NRXN3: variants seen among roughly 807,000 people sequenced by gnomAD.
NRXN3 encodes the protein neurexin III.
In NRXN3, 32 loss-of-function variants were observed where a neutral mutation model predicts 137.6. That is an observed-to-expected ratio of 0.23 (90% CI 0.18 to 0.31). The LOEUF (loss-of-function observed/expected upper bound fraction) is 0.31. Among genes scored for constraint, NRXN3 ranks in the 10% least tolerant of loss-of-function variants. The pLI, the probability that NRXN3 is intolerant of heterozygous loss-of-function variation, is 1.00. For missense variants in NRXN3, 1,574 were observed against 2,062.5 expected (o/e 0.76, Z 4.59); for synonymous variants, 798 against 784.5 (o/e 1.02, Z -0.29).
chr14:79,067,414 G>C (rs1487753084), intron 15 of NRXN3, among the ~76,000 whole-genome samples: 1 of 151,994 alleles, frequency 6.6e-6, no homozygotes, highest in African/African-American at 2.4e-5. Context: ...AAGTATATTG[G>C]CCTGAATTTT....
Position 78,988,146 on chromosome 14 carries a change from G to T in NRXN3, c.3262+5G>T. 1 of 1,613,740 alleles carries T rather than the reference G, an allele frequency of 6.2e-7. No individual in the cohort carries two copies. The highest frequency in any genetic ancestry group is 8.5e-7 in the Non-Finnish European group (1 of 1,179,760). On this transcript the variant is annotated splice_donor_5th_base_variant and intron_variant, in intron 15 of 20. Transcript: ENST00000335750. ...CTGGAAACCAGTGCAATGATCGTAA[G>T]TACAACAACCTTTCATACTGGAACT...
At chr14:79,098,337 A>T (rs946731912) in intron 15 of NRXN3, among the ~76,000 whole-genome samples, 4 of 152,196 alleles carry the variant, frequency 2.6e-5, no homozygotes, top group Non-Finnish European at 5.9e-5. Context: ...TGCTTTAAAA[A>T]ACCTATTTAC....
intron 20 of NRXN3, among the ~76,000 whole-genome samples, chr14:79,820,218 C>T (rs747692812): frequency 9.9e-5 from 15 of 152,136 alleles, no homozygotes; most frequent in Non-Finnish European, 1.6e-4. Context: ...TTCTTGGTGA[C>T]ACAGGCAGTG....
At chr14:78,336,765 A>C (rs1018072495) in intron 4 of NRXN3, among the ~76,000 whole-genome samples, 3 of 152,048 alleles carry the variant, frequency 2.0e-5, no homozygotes, top group African/African-American at 7.2e-5. Flanking sequence ...ACATATGACC[A>C]CCCCCAGGGT....
intron 10 of NRXN3, among the ~76,000 whole-genome samples, chr14:78,944,992 T>C (rs895649792): frequency 2.0e-5 from 3 of 152,220 alleles, no homozygotes; most frequent in African/African-American, 7.2e-5. Context: ...GCCTAAATGA[T>C]GCCTTAACAG....
chr14:79,066,170 G>A (rs2099680507), intron 15 of NRXN3, among the ~76,000 whole-genome samples: 1 of 152,082 alleles, frequency 6.6e-6, no homozygotes, highest in Non-Finnish European at 1.5e-5. Flanking sequence ...TTTGTATGTG[G>A]TGTAAAGAAG....
At chr14:78,511,338 T>C (rs764677635) in intron 4 of NRXN3, among the ~76,000 whole-genome samples, 2 of 152,204 alleles carry the variant, frequency 1.3e-5, no homozygotes, top group Non-Finnish European at 2.9e-5. Context: ...GGAAAGCATG[T>C]AAAGATTAAT....
intron 10 of NRXN3, among the ~76,000 whole-genome samples, chr14:78,883,045 G>A (rs1272405845): frequency 3.3e-5 from 5 of 152,106 alleles, no homozygotes; most frequent in African/African-American, 1.2e-4. Flanking sequence ...TCTCCCTGGT[G>A]CCACCATGTG....
intron 15 of NRXN3, among the ~76,000 whole-genome samples, chr14:79,039,635 T>C (rs2099621880): frequency 6.6e-6 from 1 of 152,106 alleles, no homozygotes; most frequent in Non-Finnish European, 1.5e-5. Flanking sequence ...AAACTTCTCC[T>C]TCCCCAGGCC....
At chr14:78,710,332 C>T (rs1482323741) in intron 7 of NRXN3, among the ~76,000 whole-genome samples, 2 of 146,802 alleles carry the variant, frequency 1.4e-5, no homozygotes, top group East Asian at 2.0e-4. Flanking sequence ...CAAGCTAGCC[C>T]CAGGCAGTAC....
At chr14:79,604,156 GC>G (rs1237632138) in intron 16 of NRXN3, among the ~76,000 whole-genome samples, 6 of 152,164 alleles carry the variant, frequency 3.9e-5, no homozygotes, top group Non-Finnish European at 8.8e-5. Flanking sequence ...CTCCCAAGGT[GC>G]TGGGATTACA....
intron 15 of NRXN3, among the ~76,000 whole-genome samples, chr14:79,141,342 A>T (rs773580949): frequency 2.0e-5 from 3 of 152,172 alleles, no homozygotes; most frequent in Non-Finnish European, 2.9e-5. Flanking sequence ...ATCACATGTT[A>T]TCTATCATCC....
intron 15 of NRXN3, among the ~76,000 whole-genome samples, chr14:79,447,639 C>T (rs1463806815): frequency 6.6e-6 from 1 of 152,198 alleles, no homozygotes; most frequent in Non-Finnish European, 1.5e-5. Flanking sequence ...TACTAGAACC[C>T]ATCTGATGAT....
At chr14:79,175,954 A>C (rs2062293673) in intron 15 of NRXN3, among the ~76,000 whole-genome samples, 1 of 152,252 alleles carries the variant, frequency 6.6e-6, no homozygotes, top group South Asian at 2.1e-4. Context: ...CGCTCTAGGC[A>C]AGCTTATGAT....
intron 10 of NRXN3, among the ~76,000 whole-genome samples, chr14:78,833,725 C>T (rs1464634431): frequency 1.6e-3 from 2 of 1,240 alleles, no homozygotes; most frequent in Admixed American, 0.059. Flanking sequence ...CTGAAAAAAT[C>T]TAAATGTTTT....
chr14:79,676,160 T>G (rs187023579), intron 17 of NRXN3, among the ~76,000 whole-genome samples: 1 of 152,168 alleles, frequency 6.6e-6, no homozygotes, highest in East Asian at 1.9e-4. Context: ...GCCATTGATC[T>G]GATGTTCTGA....
intron 15 of NRXN3, among the ~76,000 whole-genome samples, chr14:79,017,545 GTCAC>G (rs1471165567): frequency 2.0e-5 from 3 of 152,108 alleles, no homozygotes; most frequent in African/African-American, 7.2e-5. Flanking sequence ...GATGGGGAAA[GTCAC>G]TCTAGACAAG....
chr14:79,088,369 C>A (rs769029830), intron 15 of NRXN3, among the ~76,000 whole-genome samples: 5 of 149,472 alleles, frequency 3.3e-5, no homozygotes, highest in Non-Finnish European at 7.4e-5. Context: ...ATGACTGTGC[C>A]CAACTTTGAC....
chr14:79,423,862 T>G (rs945455616), intron 15 of NRXN3, among the ~76,000 whole-genome samples: 2 of 152,230 alleles, frequency 1.3e-5, no homozygotes, highest in Admixed American at 6.5e-5. Context: ...TGAAATATTC[T>G]TTTTCAGTGT....
Sources: allele counts gnomAD v4.1 joint callset (sites outside exome capture counted in the v4.1 genomes callset), GRCh38; gene constraint gnomAD v4.1.1; transcripts MANE v1.5; gene names NCBI Gene and HGNC (gene_info 2026-07-23, HGNC 2026-07-21).